MDH1B: variants seen among roughly 807,000 people sequenced by gnomAD.
MDH1B encodes the protein malate dehydrogenase 1B, also known as putative malate dehydrogenase 1B.
Under a neutral mutation model 61.4 loss-of-function variants are expected in MDH1B, and 60 were observed. The observed-to-expected ratio is 0.98, with a 90% CI of 0.79 to 1.21. MDH1B has a LOEUF of 1.21. Ranked by LOEUF, MDH1B falls within the 50% of genes most tolerant of loss-of-function variation. MDH1B has a pLI of 0.00. For synonymous variants in MDH1B, 236 were observed against 218.7 expected, an observed-to-expected ratio of 1.08 and a Z score of -0.70; for missense variants, 587 against 632.1, an observed-to-expected ratio of 0.93 and a Z score of 0.76.
chr2:206,758,468 A>G (rs950243579), intron 2 of MDH1B, among the ~76,000 whole-genome samples: 5 of 152,114 alleles, frequency 3.3e-5, no homozygotes, highest in African/African-American at 1.2e-4. Flanking sequence ...AGAAGAATGG[A>G]TCAAAAGACT....
chr2:206,742,920 T>C (rs1022241573), intron 9 of MDH1B, among the ~76,000 whole-genome samples: 2 of 152,192 alleles, frequency 1.3e-5, no homozygotes, highest in African/African-American at 4.8e-5. Context: ...TTTCACCATG[T>C]TAGCCAGGAT....
At chr2:206,762,065 C>A (rs1689129213) in intron 1 of MDH1B, among the ~76,000 whole-genome samples, 1 of 152,124 alleles carries the variant, frequency 6.6e-6, no homozygotes, top group Admixed American at 6.5e-5. Context: ...TAGAACCAAG[C>A]GGAGGGCACC....
chr2:206,751,499 C>A (rs1262728408), intron 5 of MDH1B, among the ~76,000 whole-genome samples: 2 of 152,102 alleles, frequency 1.3e-5, no homozygotes, highest in African/African-American at 2.4e-5. Context: ...TTGTTCTAGA[C>A]TAGAATAGAA....
chr2:206,741,342 TGATTG>T, intron 9 of MDH1B: 1 of 570,024 alleles, frequency 1.8e-6, no homozygotes, highest in South Asian at 1.7e-5. Flanking sequence ...AGTGCCAACT[TGATTG>T]GATTGAAGGA....
At chr2:206,742,253 G>A (rs114832765) in intron 9 of MDH1B, among the ~76,000 whole-genome samples, 2,342 of 152,316 alleles carry the variant, frequency 0.015, 70 homozygotes, top group African/African-American at 0.053. Flanking sequence ...GAACTGCAAC[G>A]AAAAGTGTAT....
intron 5 of MDH1B, among the ~76,000 whole-genome samples, chr2:206,754,630 C>G (rs531038660): frequency 1.3e-5 from 2 of 152,230 alleles, no homozygotes; most frequent in South Asian, 4.1e-4. Context: ...TAAATGACGG[C>G]TCAAGATCAT....
rs369582097 is a variant in MDH1B, at chr2:206,740,375, T to C, written c.1459+679A>G. On this transcript the variant is annotated intron_variant, in intron 10 of 11. Coordinates refer to ENST00000374412, the MANE Select transcript of MDH1B (RefSeq NM_001039845.3). ...AATCATAAGGAAGAGAAAATATATT[T>C]ACTATTCATTAAGTGGAAATGGATC... Among the ~76,000 whole-genome samples, 23 of 152,330 alleles carry C rather than the reference T, an allele frequency of 1.5e-4. No individual in the cohort carries two copies. In the East Asian group the frequency reaches 3.3e-3, roughly 22 times the overall value.
chr2:206,761,737 T>C (rs1689107902), intron 1 of MDH1B, among the ~76,000 whole-genome samples: 1 of 152,012 alleles, frequency 6.6e-6, no homozygotes. Context: ...CTACAACAGA[T>C]GGAATTGGGC....
intron 11 of MDH1B, 113 bp downstream of exon 11, chr2:206,739,480 G>T: frequency 1.1e-6 from 1 of 924,788 alleles, no homozygotes; most frequent in Non-Finnish European, 1.7e-6. Flanking sequence ...TGGGGAATGT[G>T]GGAAGTGGGG....
chr2:206,760,815 C>A, intron 2 of MDH1B, 86 bp downstream of exon 2: 1 of 721,720 alleles, frequency 1.4e-6, no homozygotes. Flanking sequence ...TTCCTAGAAG[C>A]CAGTCTAATA....
intron 2 of MDH1B, 34 bp from the exon 3 acceptor site, chr2:206,757,405 T>G: frequency 6.3e-7 from 1 of 1,593,748 alleles, no homozygotes; most frequent in Non-Finnish European, 8.5e-7. Flanking sequence ...AGTCATATAT[T>G]AAATCTGCCT....
At chr2:206,763,085 C>G (rs1211397432) in intron 1 of MDH1B, among the ~76,000 whole-genome samples, 1 of 152,056 alleles carries the variant, frequency 6.6e-6, no homozygotes, top group Admixed American at 6.6e-5. Context: ...ATTTTCCCAT[C>G]TCCTTCAAAA....
chr2:206,746,493 G>C (rs1025004758), intron 7 of MDH1B, 67 bp from the exon 8 acceptor site: 2 of 1,488,132 alleles, frequency 1.3e-6, no homozygotes, highest in African/African-American at 2.8e-5. Context: ...TTTCTGTTAA[G>C]CATTGTAGAA....
intron 10 of MDH1B, among the ~76,000 whole-genome samples, chr2:206,740,100 T>C (rs1687725542): frequency 6.6e-6 from 1 of 152,180 alleles, no homozygotes; most frequent in Non-Finnish European, 1.5e-5. Context: ...TCTACATAAA[T>C]ATTTGCAAGC....
intron 7 of MDH1B, among the ~76,000 whole-genome samples, chr2:206,746,657 C>A (rs923160765): frequency 1.3e-5 from 2 of 152,192 alleles, no homozygotes; most frequent in African/African-American, 4.8e-5. Flanking sequence ...TATCTGACAT[C>A]CAGAGGCTAA....
intron 9 of MDH1B, among the ~76,000 whole-genome samples, chr2:206,742,400 C>T (rs551010350): frequency 6.6e-6 from 1 of 152,082 alleles, no homozygotes; most frequent in Admixed American, 6.5e-5. Flanking sequence ...TCTGATGAAC[C>T]TTTTTTGCCA....
Position 206,757,259 on chromosome 2 carries a change from T to C in MDH1B, c.248A>G (p.Asn83Ser). Residue 83 changes from asparagine (N) to serine (S), a missense_variant, in exon 3 of 12, where the codon AAT (asparagine) becomes AGT (serine). Coordinates refer to ENST00000374412, the MANE Select transcript of MDH1B (RefSeq NM_001039845.3). The part of the protein sequence containing the change: ...GGKGLLLGGY[N>S]EFLEHAQLYY... ...TACCTGAGCATGCTCCAGGAACTCA[T>C]TATATCCTCCCAAAAGCAAACCCTT... is the stretch of plus-strand genomic sequence containing the variant. 1 of 1,613,964 alleles carries C rather than the reference T, an allele frequency of 6.2e-7. No homozygotes were observed. The highest frequency in any genetic ancestry group is 8.5e-7 in the Non-Finnish European group (1 of 1,179,860).
rs879344156 is a variant in MDH1B at position 206,738,398 on chromosome 2, CT to C, written c.*84del. ...ACTGACATAAATCTTTCAAATTATT[CT>C]TCCTTAAATATAGACATTCATATAA... On this transcript the variant is annotated 3_prime_UTR_variant, in exon 12 of 12. Coordinates refer to ENST00000374412, the MANE Select transcript of MDH1B (RefSeq NM_001039845.3). 8 of 1,040,234 alleles carry C rather than the reference CT, an allele frequency of 7.7e-6. No individual in the cohort carries two copies. Among genetic ancestry groups the C allele is most frequent in the Non-Finnish European group, 1.1e-5 (8 of 718,108 alleles). The allele number at this position is 1,040,234 out of a possible 1,614,324, so 64.4% of individuals were successfully genotyped here. A position where few individuals can be genotyped will look rare whatever the true frequency, so the allele number is the denominator to read the frequency against.
intron 9 of MDH1B, among the ~76,000 whole-genome samples, chr2:206,743,702 C>T (rs903482657): frequency 6.6e-6 from 1 of 152,146 alleles, no homozygotes; most frequent in Non-Finnish European, 1.5e-5. Flanking sequence ...CATGCTTCTT[C>T]CTCTTCCATC....
Sources: gnomAD v4.1 joint callset for allele counts (sites outside exome capture counted in the v4.1 genomes callset) on GRCh38, gnomAD v4.1.1 for gene constraint, MANE v1.5 for transcripts, NCBI Gene and HGNC (gene_info 2026-07-23, HGNC 2026-07-21) for gene names.